CLDND2: variants seen among roughly 807,000 people sequenced by gnomAD.
CLDND2 encodes claudin domain containing 2.
Under a neutral mutation model 17.7 loss-of-function variants are expected in CLDND2, and 18 were observed. The observed-to-expected ratio is 1.02, with a 90% CI of 0.70 to 1.51. CLDND2 has a LOEUF of 1.51. Among genes scored for constraint, CLDND2 ranks in the 40% most tolerant of loss-of-function variants. CLDND2 has a pLI of 0.00. For synonymous variants in CLDND2, 113 were observed against 93.0 expected (o/e 1.22, Z -1.24); for missense variants, 233 against 219.6 (o/e 1.06, Z -0.39).
At position 51,367,697 on chromosome 19, in the gene CLDND2, T is replaced by C. The variant is rs1443727885; in HGVS notation, c.311-121A>G. On this transcript the variant is annotated intron_variant, in intron 2 of 3. Transcript: ENST00000291715. The surrounding 1 kb of genome is among the most constrained non-coding windows in gnomAD (Gnocchi z 7.4). ...CGCCTATCGCCTCTCAGCCCGCCCC[T>C]GGCCCAGGCCCCTTCCTGCTCCTCC... 4.7e-6 allele frequency: 7 copies of C among 1,490,986 alleles called. No homozygotes were observed. The highest frequency in any genetic ancestry group is 5.4e-6 in the Non-Finnish European group (6 of 1,120,922). 92.4% of individuals were successfully genotyped at this position (1,490,986 alleles called of 1,614,324 possible).
chr19:51,367,088 G>C, downstream of CLDND2: 1 of 1,573,792 alleles, frequency 6.4e-7, no homozygotes, highest in South Asian at 1.1e-5. The surrounding 1 kb of genome is among the most constrained non-coding windows in gnomAD (Gnocchi z 7.4). Context: ...AAAGCACGCG[G>C]AGCCGCAGCG....
chr19:51,367,657 C>T lies in CLDND2; in HGVS notation c.311-81G>A. 3 of 1,531,550 alleles carry T rather than the reference C, an allele frequency of 2.0e-6. No individual in the cohort carries two copies. Among genetic ancestry groups the T allele is most frequent in the Non-Finnish European group, 2.6e-6 (3 of 1,138,446 alleles). The allele number at this position is 1,531,550 out of a possible 1,614,324, so 94.9% of individuals were successfully genotyped here. On this transcript the variant is annotated intron_variant, in intron 2 of 3. Coordinates refer to ENST00000291715, the MANE Select transcript of CLDND2 (RefSeq NM_152353.3). This position sits in a 1 kb window ranked among gnomAD's most constrained non-coding sequence, Gnocchi z 7.4. ...AGGCCACGCCCCTTCAGACCCGCCC[C>T]CTTCTATCAGACCACGCCTATCGCC...
chr19:51,368,058 G>C, intron 1 of CLDND2, 32 bp from the exon 2 acceptor site: 2 of 1,569,928 alleles, frequency 1.3e-6, no homozygotes, highest in East Asian at 2.4e-5. Flanking sequence ...GCCCCCGCGG[G>C]CGCCGCCCCA....
rs1293800617 is a variant in CLDND2, at chr19:51,367,830, C to T, written c.310+56G>A. 3.8e-6 allele frequency: 6 copies of T among 1,587,028 alleles called. No homozygotes were observed. Among genetic ancestry groups the T allele is most frequent in the Admixed American group, 3.5e-5 (2 of 57,782 alleles). ...AGCCCCTCCCCTGGCGACCAGGCCC[C>T]TCCATCACCCAGGGCCCGCCCCTGC... On this transcript the variant is annotated intron_variant, in intron 2 of 3. Transcript: ENST00000291715. The surrounding 1 kb of genome is among the most constrained non-coding windows in gnomAD (Gnocchi z 7.4).
chr19:51,367,843 G>A lies in CLDND2; in HGVS notation c.310+43C>T. 3.1e-6 allele frequency: 5 copies of A among 1,596,856 alleles called. No homozygotes were observed. The highest frequency in any genetic ancestry group is 4.3e-6 in the Non-Finnish European group (5 of 1,175,814). ...GCGACCAGGCCCCTCCATCACCCAG[G>A]GCCCGCCCCTGCCTGCCCGCCTGGG... On this transcript the variant is annotated intron_variant, in intron 2 of 3. Transcript: ENST00000291715. This position sits in a 1 kb window ranked among gnomAD's most constrained non-coding sequence, Gnocchi z 7.4.
rs1054818020 is a variant in CLDND2 at position 51,367,888 on chromosome 19, C to T, written c.308G>A (p.Gly103Asp). 1 of 1,610,722 alleles carries T rather than the reference C, an allele frequency of 6.2e-7. No individual in the cohort carries two copies. The highest frequency in any genetic ancestry group is 1.3e-5 in the African/African-American group (1 of 75,050). ...GQTTSAFLFL[G>D]GLLLLTALIG... is the part of the protein sequence containing the mutation. ...CCTGGGGCGGTCTGCAGTCTCACCG[C>T]CGAGGAAGAGGAAGGCGCTCGTGGT... The change falls in exon 2 of 4, where the codon GGC becomes GAC. Residue 103 changes from glycine to aspartate, a missense_variant and splice_region_variant. Coordinates refer to ENST00000291715, the MANE Select transcript of CLDND2 (RefSeq NM_152353.3). This position sits in a 1 kb window ranked among gnomAD's most constrained non-coding sequence, Gnocchi z 7.4.
Position 51,368,515 on chromosome 19 carries a change from G to A in CLDND2, c.63C>T (p.Leu21=). The A allele has an allele frequency of 6.2e-7, 1 of 1,614,074 alleles. No homozygotes were observed. Among genetic ancestry groups the A allele is most frequent in the Non-Finnish European group, 8.5e-7 (1 of 1,179,982 alleles). ...AGTTGGTGGCCGTGGAGAGCACCAT[G>A]AGGACGTTGGCCACGAGGCTGAGCA... ...GILLSLVANV[L]MVLSTATNYW... Residue 21 remains leucine (L), a synonymous_variant, in exon 1 of 4, where the codon CTC becomes CTT. Transcript: ENST00000291715.
At position 51,367,647 on chromosome 19, in the gene CLDND2, A is replaced by C. The variant is rs1163631650; in HGVS notation, c.311-71T>G. 1.0e-5 allele frequency: 16 copies of C among 1,544,254 alleles called. No homozygotes were observed. In the East Asian group the frequency reaches 3.6e-4, roughly 35 times the overall value. ...GGCTGCACCCAGGCCACGCCCCTTCAGACCCGCCCCCTTCTATCAGACCAC... is the reference window on the plus strand; with the variant it reads ...GGCTGCACCCAGGCCACGCCCCTTCCGACCCGCCCCCTTCTATCAGACCAC... On this transcript the variant is annotated intron_variant, in intron 2 of 3. Transcript: ENST00000291715. This position sits in a 1 kb window ranked among gnomAD's most constrained non-coding sequence, Gnocchi z 7.4.
At chr19:51,368,308 C>T (rs920096460) in intron 1 of CLDND2, 101 bp downstream of exon 1, 1 of 1,388,782 alleles carries the variant, frequency 7.2e-7, no homozygotes, top group Non-Finnish European at 9.7e-7. Flanking sequence ...GCAACTGAGC[C>T]CGGGGTGGAA....
At chr19:51,368,213 G>T in intron 1 of CLDND2, 187 bp from the exon 2 acceptor site, 1 of 871,776 alleles carries the variant, frequency 1.1e-6, no homozygotes, top group East Asian at 2.7e-5. Flanking sequence ...GGTTACTGCC[G>T]CTACCAGGAC....
In CLDND2 at chr19:51,368,567, T is replaced by G. The variant is rs777335261; in HGVS notation, c.11A>C (p.Lys4Thr). Residue 4 changes from lysine to threonine, a missense_variant, in exon 1 of 4, where the codon AAG becomes ACG. By Grantham distance (78) the Lys-to-Thr change is moderately conservative (BLOSUM62 -1). Transcript: ENST00000291715. MGV[K>T]RSLQSGGILL... ...AATGCCCCCACTCTGGAGGCTCCGC[T>G]TCACCCCCATGCCACTGAGGCTGCA... The G allele has an allele frequency of 1.9e-6, 3 of 1,612,724 alleles. No individual in the cohort carries two copies. The Admixed American group carries it at 5.0e-5, about 27-fold the overall frequency.
Position 51,368,434 on chromosome 19 carries a change from G to T in CLDND2, c.144C>A (p.Gly48=). ...TCTGGCAGGGGATGCTGGAGCAGAT[G>T]CCGTGGTTGCATTCCTGCCACAGGC... ...HSGLWQECNH[G]ICSSIPCQTT... is the part of the protein sequence containing the mutation. The change falls in exon 1 of 4, where the codon GGC becomes GGA. Residue 48 remains glycine (G), a synonymous_variant. Transcript: ENST00000291715. The T allele has an allele frequency of 6.2e-7, 1 of 1,613,500 alleles. No individual in the cohort carries two copies. Among genetic ancestry groups the T allele is most frequent in the Non-Finnish European group, 8.5e-7 (1 of 1,179,908 alleles).
chr19:51,368,114 C>T, intron 1 of CLDND2, 88 bp from the exon 2 acceptor site: 1 of 1,399,356 alleles, frequency 7.1e-7, no homozygotes, highest in Non-Finnish European at 9.7e-7. Context: ...CGTCTCCTGC[C>T]CCCAACCCGG....
At chr19:51,368,314 T>C in intron 1 of CLDND2, 95 bp downstream of exon 1, 1 of 1,402,256 alleles carries the variant, frequency 7.1e-7, no homozygotes, top group East Asian at 2.3e-5. Context: ...GAGCCCGGGG[T>C]GGAAGGGGTG....
Position 51,368,402 on chromosome 19 carries a change from G to T in CLDND2, c.169+7C>A, listed in dbSNP as rs1400103954. 6.2e-7 allele frequency: 1 copy of T among 1,608,708 alleles called. No individual in the cohort carries two copies. Among genetic ancestry groups the T allele is most frequent in the Non-Finnish European group, 8.5e-7 (1 of 1,178,292 alleles). On this transcript the variant is annotated splice_region_variant and intron_variant, in intron 1 of 3. Coordinates refer to ENST00000291715, the MANE Select transcript of CLDND2 (RefSeq NM_152353.3). ...GCCCTCTGACATCTGGGCGGGCGGA[G>T]CCTCACTCTGGCAGGGGATGCTGGA...
chr19:51,366,869 G>T (rs1198812897), downstream of CLDND2, among the ~76,000 whole-genome samples: 2 of 151,412 alleles, frequency 1.3e-5, no homozygotes, highest in Non-Finnish European at 2.9e-5. Flanking sequence ...CCTCCATGTC[G>T]TCCCCACAGC....
Position 51,368,811 on chromosome 19 carries a change from T to G in CLDND2, c.-234A>C. On this transcript the variant is annotated 5_prime_UTR_variant, in exon 1 of 4. Coordinates refer to ENST00000291715, the MANE Select transcript of CLDND2 (RefSeq NM_152353.3). ...TTACTGGAGACCTTGAGACTTCCCC[T>G]GAGAGGCCTCTGAGACCTTCACCAC... 2 of 494,988 alleles carry G rather than the reference T, an allele frequency of 4.0e-6. No homozygotes were observed. Among genetic ancestry groups the G allele is most frequent in the Admixed American group, 3.6e-5 (1 of 27,802 alleles). 30.7% of individuals were successfully genotyped at this position (494,988 alleles called of 1,614,324 possible).
rs1448001990 is a variant in CLDND2, at chr19:51,367,228, G to A, written c.431-13C>T. On this transcript the variant is annotated splice_polypyrimidine_tract_variant and intron_variant, in intron 3 of 3. Transcript: ENST00000291715. This position sits in a 1 kb window ranked among gnomAD's most constrained non-coding sequence, Gnocchi z 7.4. ...AGAAAGCAGAAGCCTGGGGGGACGG[G>A]GGTGCGGAGCAGGGAGAGGAAGGTG... 1 of 1,614,016 alleles carries A rather than the reference G, an allele frequency of 6.2e-7. No individual in the cohort carries two copies. Among genetic ancestry groups the A allele is most frequent in the Non-Finnish European group, 8.5e-7 (1 of 1,179,938 alleles).
Position 51,368,766 on chromosome 19 carries a change from C to G in CLDND2, c.-189G>C, listed in dbSNP as rs543629154. 12 of 574,338 alleles carry G rather than the reference C, an allele frequency of 2.1e-5. No individual in the cohort carries two copies. The highest frequency in any genetic ancestry group is 9.3e-6 in the Non-Finnish European group (3 of 323,876). The allele number at this position is 574,338 out of a possible 1,614,324, so 35.6% of individuals were successfully genotyped here. A position where few individuals can be genotyped will look rare whatever the true frequency, so the allele number is the denominator to read the frequency against. ...CCTGCCTGAGGATCCACAACCTCCT[C>G]CCTCCAGACCTCGTTCCCCTTACTG... On this transcript the variant is annotated 5_prime_UTR_variant, in exon 1 of 4. Coordinates refer to ENST00000291715, the MANE Select transcript of CLDND2 (RefSeq NM_152353.3).
Sources: allele counts gnomAD v4.1 joint callset (sites outside exome capture counted in the v4.1 genomes callset), GRCh38; gene constraint gnomAD v4.1.1; non-coding constraint Gnocchi (gnomAD v3.1); transcripts MANE v1.5; gene names NCBI Gene and HGNC (gene_info 2026-07-23, HGNC 2026-07-21).